Variants in RGS3 observed in about 807,000 individuals in gnomAD.
RGS3 encodes regulator of G protein signaling 3.
In RGS3, 80 loss-of-function variants were observed where a neutral mutation model predicts 132.6. The ratio of observed to expected loss-of-function variants is 0.60; its 90% CI spans 0.50 to 0.73. RGS3 has a LOEUF of 0.73. RGS3 is among the 30% of genes least tolerant of loss of function. RGS3 has a pLI of 0.00. For synonymous variants in RGS3, 598 were observed against 620.6 expected, an observed-to-expected ratio of 0.96 and a Z score of 0.54; for missense variants, 1,382 against 1,530.8, an observed-to-expected ratio of 0.90 and a Z score of 1.62.
At chr9:113,452,207 A>G (rs757745077) in intron 1 of RGS3, among the ~76,000 whole-genome samples, 3 of 151,932 alleles carry the variant, frequency 2.0e-5, no homozygotes, top group Middle Eastern at 3.2e-3. Context: ...GCTATTATTT[A>G]TATACACAGG....
At chr9:113,454,574 C>T (rs973681936) in intron 1 of RGS3, among the ~76,000 whole-genome samples, 1 of 151,950 alleles carries the variant, frequency 6.6e-6, no homozygotes, top group Non-Finnish European at 1.5e-5. Context: ...TGCTACTGCA[C>T]TCCATCCTGG....
intron 14 of RGS3, among the ~76,000 whole-genome samples, chr9:113,509,515 G>A (rs1831307624): frequency 6.6e-6 from 1 of 152,126 alleles, no homozygotes; most frequent in African/African-American, 2.4e-5. Flanking sequence ...TCCTGATCAG[G>A]GGTGGAAGCT....
intron 20 of RGS3, among the ~76,000 whole-genome samples, chr9:113,587,967 T>C (rs1399973558): frequency 6.6e-6 from 1 of 152,220 alleles, no homozygotes; most frequent in Admixed American, 6.5e-5. Flanking sequence ...GCCTTCTTCC[T>C]GGGGAGTCAA....
At chr9:113,590,541 C>T (rs1320362876) in intron 20 of RGS3, among the ~76,000 whole-genome samples, 3 of 151,582 alleles carry the variant, frequency 2.0e-5, no homozygotes, top group Admixed American at 6.6e-5. Context: ...CTCATCTATC[C>T]ATCCACCTAT....
At chr9:113,505,517 G>T (rs772927459) in exon 11 of RGS3, 2 of 1,614,110 alleles carry the variant, frequency 1.2e-6, no homozygotes, top group Non-Finnish European at 1.7e-6. Flanking sequence ...CCAGGCCGTG[G>T]ATTCCGGTAA....
At position 113,523,576 on chromosome 9, in the gene RGS3, C is replaced by T. The variant is rs1277949847; in HGVS notation, c.1870+535C>T. On this transcript the variant is annotated intron_variant, in intron 17 of 24. Coordinates refer to ENST00000350696, the Ensembl canonical transcript of RGS3. ...GGCTCTACTCAGCTGCATGGCCCTGCGGAGCCCAAGCCGCTGGGGCTCAGG... is the reference window on the plus strand; with the variant it reads ...GGCTCTACTCAGCTGCATGGCCCTGTGGAGCCCAAGCCGCTGGGGCTCAGG... 2.6e-5 allele frequency among the ~76,000 whole-genome samples: 4 copies of T among 152,126 alleles called. No individual in the cohort carries two copies. The South Asian group carries it at 6.2e-4, about 24-fold the overall frequency.
chr9:113,501,833 C>T (rs1166925290), intron 10 of RGS3, among the ~76,000 whole-genome samples: 1 of 152,244 alleles, frequency 6.6e-6, no homozygotes, highest in African/African-American at 2.4e-5. Flanking sequence ...GGAGTCCTAA[C>T]CACTGGCTGG....
At chr9:113,587,624 C>T (rs1469095938) in intron 20 of RGS3, among the ~76,000 whole-genome samples, 1 of 152,218 alleles carries the variant, frequency 6.6e-6, no homozygotes, top group Non-Finnish European at 1.5e-5. Context: ...GTACATGCTG[C>T]CTGCCACAGG....
intron 3 of RGS3, chr9:113,478,998 C>A: frequency 6.0e-6 from 1 of 165,994 alleles, no homozygotes; most frequent in East Asian, 1.7e-4. Context: ...TTAAACAATG[C>A]TGTAGTGCCA....
intron 3 of RGS3, among the ~76,000 whole-genome samples, chr9:113,478,637 C>A (rs1194614036): frequency 6.6e-6 from 1 of 152,016 alleles, no homozygotes; most frequent in Admixed American, 6.6e-5. Flanking sequence ...AGCAAGACCC[C>A]TTCTGTACAA....
intron 3 of RGS3, among the ~76,000 whole-genome samples, chr9:113,471,189 A>G (rs1277948732): frequency 1.3e-5 from 2 of 151,882 alleles, no homozygotes; most frequent in African/African-American, 2.4e-5. Flanking sequence ...AGTTCACTCT[A>G]TTCCTATGGA....
intron 19 of RGS3, chr9:113,541,288 C>T (rs199497513): frequency 2.8e-5 from 45 of 1,603,936 alleles, no homozygotes; most frequent in Admixed American, 1.0e-4. Context: ...GAGTAGACAG[C>T]GAGCTAATTC....
chr9:113,489,291 G>T (rs1364269168), intron 7 of RGS3, among the ~76,000 whole-genome samples: 1 of 152,134 alleles, frequency 6.6e-6, no homozygotes, highest in Non-Finnish European at 1.5e-5. Flanking sequence ...TCTTTTATAG[G>T]TGAGGAAACA....
At chr9:113,447,329 G>GTGTGTATATATATATATATATATATATA (rs1554751009) in intron 1 of RGS3, among the ~76,000 whole-genome samples, 1 of 27,558 alleles carries the variant, frequency 3.6e-5, no homozygotes, top group African/African-American at 9.8e-5. Context: ...GTATGTATAT[G>GTGTGTATATATATATATATATATATATA]TATATATATA....
At chr9:113,456,211 C>T (rs1010385388), upstream of RGS3, among the ~76,000 whole-genome samples, 3 of 152,230 alleles carry the variant, frequency 2.0e-5, no homozygotes, top group Non-Finnish European at 4.4e-5. Flanking sequence ...TAAACATTCC[C>T]TGTGGGCTGT....
intron 1 of RGS3, among the ~76,000 whole-genome samples, chr9:113,448,645 C>T (rs925198909): frequency 5.3e-5 from 8 of 152,200 alleles, no homozygotes; most frequent in East Asian, 1.9e-4. Flanking sequence ...CTGACTTCTG[C>T]GAGTGGCAGA....
At chr9:113,566,488 G>A (rs915308206) in intron 19 of RGS3, among the ~76,000 whole-genome samples, 1 of 152,150 alleles carries the variant, frequency 6.6e-6, no homozygotes, top group African/African-American at 2.4e-5. Context: ...AGGACTCAGG[G>A]CAGGAGGATA....
At chr9:113,595,482 C>T (rs1173060136) in intron 23 of RGS3, 117 bp from the exon 22 acceptor site, 1 of 1,151,950 alleles carries the variant, frequency 8.7e-7, no homozygotes, top group Non-Finnish European at 1.2e-6. Flanking sequence ...CGGGGACGGG[C>T]ATTGTACTCA....
At chr9:113,548,629 A>G (rs754071976) in intron 19 of RGS3, among the ~76,000 whole-genome samples, 16 of 152,122 alleles carry the variant, frequency 1.1e-4, no homozygotes, top group Non-Finnish European at 1.6e-4. Flanking sequence ...AGTCCCATGG[A>G]GTCACATAAT....
Sources: allele counts gnomAD v4.1 joint callset (sites outside exome capture counted in the v4.1 genomes callset), GRCh38; gene constraint gnomAD v4.1.1; transcripts MANE v1.5; gene names NCBI Gene and HGNC (gene_info 2026-07-23, HGNC 2026-07-21).